Variants in KCNH1 observed in about 807,000 individuals in gnomAD.
The protein encoded by KCNH1 is voltage-gated delayed rectifier potassium channel KCNH1.
A neutral mutation model predicts 69.2 loss-of-function variants in KCNH1; 27 were observed. The observed-to-expected ratio is 0.39, with a 90% CI of 0.29 to 0.54. KCNH1 has a LOEUF of 0.54. Among genes scored for constraint, KCNH1 ranks in the 20% least tolerant of loss-of-function variants. KCNH1 has a pLI of 0.68. For missense variants in KCNH1, 798 were observed against 1,261.6 expected, an observed-to-expected ratio of 0.63 and a Z score of 5.57; for synonymous variants, 456 against 487.7, an observed-to-expected ratio of 0.93 and a Z score of 0.86.
chr1:210,755,059 C>T (rs896349986), intron 10 of KCNH1, among the ~76,000 whole-genome samples: 1 of 151,930 alleles, frequency 6.6e-6, no homozygotes, highest in Non-Finnish European at 1.5e-5. Context: ...CATGCAGTGA[C>T]AAAGGGGCAG....
At chr1:210,804,442 G>C (rs1422001186) in intron 7 of KCNH1, among the ~76,000 whole-genome samples, 1 of 152,232 alleles carries the variant, frequency 6.6e-6, no homozygotes, top group Non-Finnish European at 1.5e-5. Flanking sequence ...CCAGAACTAA[G>C]ACACAGCAGT....
At chr1:210,858,954 C>A in intron 7 of KCNH1, 2 of 445,298 alleles carry the variant, frequency 4.5e-6, no homozygotes, top group South Asian at 3.8e-5. Flanking sequence ...CCCTAAGGTA[C>A]CTCCAATCCC....
At chr1:210,746,306 C>T (rs1026177177) in intron 10 of KCNH1, among the ~76,000 whole-genome samples, 7 of 152,118 alleles carry the variant, frequency 4.6e-5, no homozygotes, top group African/African-American at 1.7e-4. Flanking sequence ...AAACTCATAA[C>T]AATTGTATGA....
At chr1:210,832,337 G>T (rs1390126732) in intron 7 of KCNH1, among the ~76,000 whole-genome samples, 1 of 152,086 alleles carries the variant, frequency 6.6e-6, no homozygotes, top group Non-Finnish European at 1.5e-5. Flanking sequence ...GGGCACTCAA[G>T]GAATATTTGC....
intron 10 of KCNH1, among the ~76,000 whole-genome samples, chr1:210,704,741 C>A (rs1681866026): frequency 6.6e-6 from 1 of 152,178 alleles, no homozygotes; most frequent in Non-Finnish European, 1.5e-5. Flanking sequence ...AGTAGCCAAA[C>A]CTGTATCTAA....
intron 2 of KCNH1, 96 bp downstream of exon 2, chr1:211,107,158 T>C (rs1571651645): frequency 1.5e-6 from 2 of 1,362,002 alleles, no homozygotes; most frequent in East Asian, 4.6e-5. Context: ...ACACACTAAA[T>C]GAGGTAAAGG....
intron 6 of KCNH1, among the ~76,000 whole-genome samples, chr1:211,004,377 T>C (rs1181738297): frequency 6.6e-6 from 1 of 152,152 alleles, no homozygotes; most frequent in African/African-American, 2.4e-5. Context: ...ATAGTATATA[T>C]ATGCTTGAAA....
chr1:210,826,228 C>T (rs978360543), intron 7 of KCNH1, among the ~76,000 whole-genome samples: 4 of 152,142 alleles, frequency 2.6e-5, no homozygotes, highest in Non-Finnish European at 4.4e-5. Context: ...CCACATGCTA[C>T]TATTCTCATT....
At chr1:210,784,372 A>T (rs1367174840) in intron 9 of KCNH1, among the ~76,000 whole-genome samples, 3 of 152,242 alleles carry the variant, frequency 2.0e-5, no homozygotes, top group African/African-American at 7.2e-5. Flanking sequence ...CAGTTTACAG[A>T]TGTTAGAACA....
chr1:210,947,418 A>G (rs1252505448), intron 6 of KCNH1, among the ~76,000 whole-genome samples: 1 of 151,850 alleles, frequency 6.6e-6, no homozygotes, highest in African/African-American at 2.4e-5. Flanking sequence ...AAATACGAAA[A>G]AAAAAAATTA....
At chr1:210,834,873 TG>T (rs1685248473) in intron 7 of KCNH1, among the ~76,000 whole-genome samples, 1 of 152,020 alleles carries the variant, frequency 6.6e-6, no homozygotes, top group South Asian at 2.1e-4. Context: ...ATTCTGATGG[TG>T]CCTAGATCTT....
At chr1:210,862,953 C>A (rs1686012262) in intron 7 of KCNH1, among the ~76,000 whole-genome samples, 1 of 152,148 alleles carries the variant, frequency 6.6e-6, no homozygotes, top group Non-Finnish European at 1.5e-5. Context: ...GCAGGAAAAC[C>A]AAATACTAAC....
intron 5 of KCNH1, among the ~76,000 whole-genome samples, chr1:211,035,236 CTTTTTTTTTTTTTTTTTTTTT>C (rs765170558): frequency 5.3e-5 from 4 of 75,050 alleles, no homozygotes; most frequent in Admixed American, 3.5e-4. Context: ...TACTGGCATT[CTTTTTTTTTTTTTTTTTTTTT>C]TTTTTTTTTG....
chr1:210,787,533 A>G (rs1377262252), intron 9 of KCNH1, among the ~76,000 whole-genome samples: 6 of 152,220 alleles, frequency 3.9e-5, no homozygotes, highest in Non-Finnish European at 7.3e-5. Context: ...TTTCACATCA[A>G]TGAAAGCATG....
At chr1:210,956,666 A>T (rs1247299845) in intron 6 of KCNH1, among the ~76,000 whole-genome samples, 2 of 150,466 alleles carry the variant, frequency 1.3e-5, no homozygotes, top group Non-Finnish European at 2.9e-5. Context: ...CCAGGAATTT[A>T]TCCATTTACT....
chr1:211,089,599 A>G (rs1298592103), intron 4 of KCNH1, among the ~76,000 whole-genome samples: 1 of 152,194 alleles, frequency 6.6e-6, no homozygotes, highest in East Asian at 1.9e-4. Context: ...TATAATGCTC[A>G]TTTAACAACA....
intron 10 of KCNH1, among the ~76,000 whole-genome samples, chr1:210,767,255 A>G (rs1683654744): frequency 6.6e-6 from 1 of 152,216 alleles, no homozygotes. Flanking sequence ...CTTTGAAAAC[A>G]TGACTGGCTG....
At chr1:210,800,621 T>G (rs1684408464) in intron 8 of KCNH1, among the ~76,000 whole-genome samples, 1 of 152,172 alleles carries the variant, frequency 6.6e-6, no homozygotes, top group South Asian at 2.1e-4. Context: ...TTCCATCTAT[T>G]GGCTCCACAC....
At chr1:210,846,062 G>A (rs1048124593) in intron 7 of KCNH1, among the ~76,000 whole-genome samples, 5 of 152,100 alleles carry the variant, frequency 3.3e-5, no homozygotes, top group African/African-American at 7.2e-5. Context: ...ACAAACCACT[G>A]CTCAATGAAA....
Sources: allele counts gnomAD v4.1 joint callset (sites outside exome capture counted in the v4.1 genomes callset), GRCh38; gene constraint gnomAD v4.1.1; transcripts MANE v1.5; gene names NCBI Gene and HGNC (gene_info 2026-07-23, HGNC 2026-07-21).